KIDINS220: variants seen among roughly 807,000 people sequenced by gnomAD.
KIDINS220 encodes the protein kinase D interacting substrate 220, also known as kinase D-interacting substrate of 220 kDa.
KIDINS220 carries 63 observed loss-of-function variants against 157.6 expected under a neutral mutation model. The observed-to-expected ratio is 0.40, with a 90% CI of 0.33 to 0.49. The LOEUF (loss-of-function observed/expected upper bound fraction) is 0.49, where lower values mean the gene tolerates loss of function less well. Ranked by LOEUF, KIDINS220 falls within the 20% of genes least tolerant of loss-of-function variation. The pLI is 0.66. For synonymous variants in KIDINS220, 732 were observed against 783.6 expected (o/e 0.93, Z 1.10); for missense variants, 1,772 against 2,171.2 (o/e 0.82, Z 3.65).
rs372833860 is a variant in KIDINS220, at chr2:8,731,172, G to A, written c.4864C>T (p.His1622Tyr). 2.6e-5 allele frequency: 42 copies of A among 1,614,190 alleles called. 1 individual carries two copies. In the African/African-American group the frequency reaches 4.0e-4, roughly 15 times the overall value. The change falls in exon 30 of 30, where the codon CAC becomes TAC. Residue 1622 changes from histidine (H) to tyrosine (Y), a missense_variant. Physicochemically the swap from His to Tyr is moderately conservative, Grantham distance 83. Transcript: ENST00000256707. This position sits in a 1 kb window ranked among gnomAD's most constrained non-coding sequence, Gnocchi z 5.2. Reference protein sequence around the residue: ...ANLIELEDDSHSGKRGIPHSL... With the variant: ...ANLIELEDDSYSGKRGIPHSL... ...TGTGGGATTCCCCGCTTTCCGCTGTGACTGTCATCTTCCAGCTCTATGAGA... is the reference window on the plus strand; with the variant it reads ...TGTGGGATTCCCCGCTTTCCGCTGTAACTGTCATCTTCCAGCTCTATGAGA...
rs774071285 is a variant in KIDINS220 at position 8,747,129 on chromosome 2, A to G, written c.3585+16T>C. The G allele has an allele frequency of 3.1e-6, 5 of 1,611,804 alleles. No homozygotes were observed. In the East Asian group the frequency reaches 8.9e-5, roughly 29 times the overall value. Reference sequence around the variant, plus strand: ...ATGAGATGCCAGCGATCCACACCACAGGACTACTCCATTACCCTCGAGGAG... The same window carrying G: ...ATGAGATGCCAGCGATCCACACCACGGGACTACTCCATTACCCTCGAGGAG... On this transcript the variant is annotated intron_variant, in intron 26 of 29. Transcript: ENST00000256707.
intron 8 of KIDINS220, among the ~76,000 whole-genome samples, chr2:8,801,118 A>G (rs1674630481): frequency 6.6e-6 from 1 of 152,220 alleles, no homozygotes; most frequent in East Asian, 1.9e-4. Context: ...AACTATATTC[A>G]CCAAGCAGCA....
chr2:8,746,161 G>A (rs1004782064), intron 26 of KIDINS220, among the ~76,000 whole-genome samples: 6 of 150,842 alleles, frequency 4.0e-5, no homozygotes, highest in East Asian at 3.9e-4. Flanking sequence ...GGAGTGCAGC[G>A]GTGCGATCTC....
At chr2:8,768,314 T>C (rs1669741036) in intron 22 of KIDINS220, among the ~76,000 whole-genome samples, 1 of 151,304 alleles carries the variant, frequency 6.6e-6, no homozygotes, top group Admixed American at 6.6e-5. Flanking sequence ...TGCAAGAAAA[T>C]TACAATAATT....
downstream of KIDINS220, chr2:8,721,978 C>G (rs1662983719): frequency 6.6e-6 from 1 of 152,062 alleles, no homozygotes; most frequent in Non-Finnish European, 1.5e-5. Context: ...AAAATGAGTA[C>G]AGGATAAAGA....
In KIDINS220 at chr2:8,767,550, A is replaced by G. The variant is rs553268177; in HGVS notation, c.3011+3120T>C. ...TCATGCTATCCACATTCATAACTTA[A>G]GTCCACATGCAAAAGAAACAAGCTT... On this transcript the variant is annotated intron_variant, in intron 22 of 29. Coordinates refer to ENST00000256707, the MANE Select transcript of KIDINS220 (RefSeq NM_020738.4). Among the ~76,000 whole-genome samples, 18 of 152,278 alleles carry G rather than the reference A, an allele frequency of 1.2e-4. 1 individual carries two copies. The highest frequency in any genetic ancestry group is 3.4e-3 in the Middle Eastern group (1 of 294).
At chr2:8,742,359 C>T (rs1267745738) in intron 26 of KIDINS220, among the ~76,000 whole-genome samples, 2 of 151,970 alleles carry the variant, frequency 1.3e-5, no homozygotes, top group Non-Finnish European at 2.9e-5. Context: ...CCTCAGCCTT[C>T]CTAAGTGCAG....
In KIDINS220 at chr2:8,750,278, G is replaced by T; in HGVS notation, c.3248C>A (p.Pro1083His). The T allele has an allele frequency of 3.1e-6, 5 of 1,613,608 alleles. No homozygotes were observed. The highest frequency in any genetic ancestry group is 4.2e-6 in the Non-Finnish European group (5 of 1,179,768). Residue 1083 changes from proline to histidine, a missense_variant, in exon 24 of 30, where the codon CCT (proline) becomes CAT (histidine). Physicochemically the swap from Pro to His is moderately conservative, Grantham distance 77. Coordinates refer to ENST00000256707, the MANE Select transcript of KIDINS220 (RefSeq NM_020738.4). ...CGCCCTAGGAGGACCCTCATGTAGA[G>T]GGAGCGGGGGGTACGCCAGTCCTCC... ...SIGGLAYPPLPLHEGPPRAPS... is the reference protein window; with the variant it reads ...SIGGLAYPPLHLHEGPPRAPS...
At chr2:8,800,622 C>G in intron 8 of KIDINS220, 124 bp from the exon 9 acceptor site, 2 of 666,076 alleles carry the variant, frequency 3.0e-6, no homozygotes, top group East Asian at 2.6e-5. Context: ...AAGTCTACCT[C>G]TAAATAAGAG....
At position 8,734,716 on chromosome 2, in the gene KIDINS220, A is replaced by C; in HGVS notation, c.3755T>G (p.Ile1252Ser). The C allele has an allele frequency of 6.2e-7, 1 of 1,613,622 alleles. No individual in the cohort carries two copies. The highest frequency in any genetic ancestry group is 8.5e-7 in the Non-Finnish European group (1 of 1,179,830). Residue 1252 changes from isoleucine (I) to serine (S), a missense_variant, in exon 28 of 30, where the codon ATT becomes AGT. Coordinates refer to ENST00000256707, the MANE Select transcript of KIDINS220 (RefSeq NM_020738.4). ...ATTCATCTCTTTCTTCAGCTCATCA[A>C]TGTTACACTGAGCTAACACACGGCC... is the stretch of plus-strand genomic sequence containing the variant. ...INGRVLAQCN[I>S]DELKKEMNMN...
chr2:8,785,490 T>C (rs770461215), intron 17 of KIDINS220, among the ~76,000 whole-genome samples: 3 of 152,146 alleles, frequency 2.0e-5, no homozygotes, highest in Admixed American at 6.5e-5. Context: ...ATCGTGCCAA[T>C]TGGGGAGGCT....
At chr2:8,744,809 G>A (rs879731374) in intron 26 of KIDINS220, among the ~76,000 whole-genome samples, 13 of 151,896 alleles carry the variant, frequency 8.6e-5, no homozygotes, top group Non-Finnish European at 1.2e-4. Context: ...TCTAGGCTTC[G>A]ACAAAACAAA....
chr2:8,766,811 C>T (rs775685928), intron 22 of KIDINS220, among the ~76,000 whole-genome samples: 5 of 152,116 alleles, frequency 3.3e-5, no homozygotes, highest in Admixed American at 6.6e-5. Context: ...CTCCACACAA[C>T]AAAAGTAGGC....
chr2:8,734,547 C>A, intron 28 of KIDINS220, 108 bp downstream of exon 28: 6 of 647,490 alleles, frequency 9.3e-6, no homozygotes, highest in South Asian at 5.5e-5. Context: ...AAAAAAATAC[C>A]AGTTTAGGCC....
intron 4 of KIDINS220, among the ~76,000 whole-genome samples, chr2:8,816,474 A>G (rs1677085956): frequency 6.6e-6 from 1 of 152,216 alleles, no homozygotes; most frequent in African/African-American, 2.4e-5. Flanking sequence ...CAGCAGCTAT[A>G]AAGCACCTAA....
intron 24 of KIDINS220, among the ~76,000 whole-genome samples, chr2:8,748,739 T>C (rs1666912476): frequency 6.6e-6 from 1 of 152,212 alleles, no homozygotes; most frequent in Non-Finnish European, 1.5e-5. Flanking sequence ...ATTATTCTGC[T>C]TTTAACACTA....
chr2:8,837,310 G>T (rs1455232308), intron 1 of KIDINS220, among the ~76,000 whole-genome samples, 170 bp downstream of exon 1: 1 of 152,072 alleles, frequency 6.6e-6, no homozygotes, highest in Non-Finnish European at 1.5e-5. Flanking sequence ...AGCGTCCGGG[G>T]CCCGCGCCAT....
At chr2:8,794,931 C>A (rs1472848409) in intron 11 of KIDINS220, among the ~76,000 whole-genome samples, 1 of 152,170 alleles carries the variant, frequency 6.6e-6, no homozygotes, top group Non-Finnish European at 1.5e-5. Flanking sequence ...ATGCACCAGA[C>A]TCACTATATG....
chr2:8,750,346 C>A lies in KIDINS220; in HGVS notation c.3191-11G>T. ...TGGCAGCACGAACATCTGAAAGATT[C>A]AATCAGACCCCAGAAGGCAAGAGAA... On this transcript the variant is annotated splice_polypyrimidine_tract_variant and intron_variant, in intron 23 of 29. Transcript: ENST00000256707. The A allele has an allele frequency of 6.6e-7, 1 of 1,521,420 alleles. No homozygotes were observed. The allele number at this position is 1,521,420 out of a possible 1,614,324, so 94.2% of individuals were successfully genotyped here.
Sources: gnomAD v4.1 joint callset for allele counts (sites outside exome capture counted in the v4.1 genomes callset) on GRCh38, gnomAD v4.1.1 for gene constraint, Gnocchi (gnomAD v3.1) non-coding constraint, MANE v1.5 for transcripts, NCBI Gene and HGNC (gene_info 2026-07-23, HGNC 2026-07-21) for gene names.